Variants in FAM161A observed in about 807,000 individuals in gnomAD.
FAM161A encodes the protein protein FAM161A.
A neutral mutation model predicts 70.9 loss-of-function variants in FAM161A; 57 were observed. The observed-to-expected ratio is 0.80, with a 90% confidence interval of 0.65 to 1.00. The LOEUF (loss-of-function observed/expected upper bound fraction) is 1.00. Ranked by LOEUF, FAM161A falls within the 50% of genes least tolerant of loss-of-function variation. The probability of loss-of-function intolerance (pLI) is 0.00; values close to 1 mark genes in which losing one functional copy is unlikely to be tolerated. For synonymous variants in FAM161A, 299 were observed against 295.7 expected (o/e 1.01, Z -0.12); for missense variants, 880 against 836.0 (o/e 1.05, Z -0.65).
the FAM161A span, among the ~76,000 whole-genome samples, chr2:61,807,882 C>A: frequency 6.6e-6 from 1 of 152,284 alleles, no homozygotes; most frequent in African/African-American, 2.4e-5. Context: ...CTCAAATAAA[C>A]CTCCTGCCTT....
intron 4 of FAM161A, 74 bp downstream of exon 4, chr2:61,838,464 T>A: frequency 2.4e-6 from 3 of 1,259,314 alleles, no homozygotes; most frequent in Non-Finnish European, 3.4e-6. Flanking sequence ...CTGCTCATAT[T>A]TTACTATCTA....
chr2:61,838,849 T>C, intron 3 of FAM161A, 144 bp from the exon 4 acceptor site: 1 of 295,344 alleles, frequency 3.4e-6, no homozygotes, highest in Non-Finnish European at 5.9e-6. Flanking sequence ...CCTGTAAAAC[T>C]AGAAATATTT....
At chr2:61,831,573 C>T (rs1229813635) in intron 5 of FAM161A, among the ~76,000 whole-genome samples, 2 of 152,074 alleles carry the variant, frequency 1.3e-5, no homozygotes, top group Admixed American at 1.3e-4. Flanking sequence ...GAGAAGGGGG[C>T]AGGAAAACAA....
chr2:61,842,907 C>T (rs1673072288), intron 1 of FAM161A, among the ~76,000 whole-genome samples: 1 of 152,110 alleles, frequency 6.6e-6, no homozygotes, highest in Admixed American at 6.5e-5. Context: ...GCCCTCCTCA[C>T]AGTGGGGCAA....
chr2:61,815,041 G>C, the FAM161A span, among the ~76,000 whole-genome samples: 597 of 152,274 alleles, frequency 3.9e-3, 5 homozygotes, highest in Non-Finnish European at 6.0e-3. Context: ...CTATCTGTGG[G>C]TGTGCAGCTA....
chr2:61,817,096 C>T, the FAM161A span, among the ~76,000 whole-genome samples: 1 of 152,330 alleles, frequency 6.6e-6, no homozygotes, highest in Non-Finnish European at 1.5e-5. Flanking sequence ...TTGTCACTGG[C>T]TGCTCACATG....
intron 5 of FAM161A, among the ~76,000 whole-genome samples, chr2:61,829,001 G>C (rs771392104): frequency 6.6e-6 from 1 of 152,112 alleles, no homozygotes; most frequent in Non-Finnish European, 1.5e-5. Flanking sequence ...AGACCTCCAA[G>C]TAAAGCAAGC....
chr2:61,838,899 T>TTTTC lies in FAM161A; in HGVS notation c.1584-195_1584-194insGAAA, dbSNP rs1284744455. On this transcript the variant is annotated intron_variant, in intron 3 of 6. Coordinates refer to ENST00000404929, the MANE Select transcript of FAM161A (RefSeq NM_001201543.2). ...TTATTTATTTATTTATTTATTTTTT[T>TTTTC]TGAGATGGAGTCTCGCTCTGTCGCC... Among the ~76,000 whole-genome samples, 32 of 151,142 alleles carry TTTTC rather than the reference T, an allele frequency of 2.1e-4. 1 individual carries two copies. Among genetic ancestry groups the TTTTC allele is most frequent in the Admixed American group, 4.0e-4 (6 of 15,172 alleles).
At chr2:61,800,437 G>C in the FAM161A span, among the ~76,000 whole-genome samples, 2 of 152,178 alleles carry the variant, frequency 1.3e-5, no homozygotes, top group Admixed American at 6.5e-5. Flanking sequence ...TAGGGACCCA[G>C]GTTCCTCCTA....
the FAM161A span, among the ~76,000 whole-genome samples, chr2:61,817,181 T>C: frequency 7.9e-5 from 12 of 152,214 alleles, no homozygotes; most frequent in African/African-American, 2.7e-4. Flanking sequence ...CGCATGGAAT[T>C]TGGCCATGCC....
chr2:61,804,814 GAA>G, the FAM161A span, among the ~76,000 whole-genome samples: 1 of 142,860 alleles, frequency 7.0e-6, no homozygotes, highest in Non-Finnish European at 1.5e-5. Context: ...AAGAAAGAAA[GAA>G]AGAGAAAGAG....
At chr2:61,801,453 T>C in the FAM161A span, among the ~76,000 whole-genome samples, 1 of 150,094 alleles carries the variant, frequency 6.7e-6, no homozygotes, top group African/African-American at 2.5e-5. Context: ...GCCAAAATCA[T>C]GCCACTGTAG....
chr2:61,808,378 T>A, the FAM161A span, among the ~76,000 whole-genome samples: 2 of 151,872 alleles, frequency 1.3e-5, no homozygotes, highest in African/African-American at 2.4e-5. Flanking sequence ...GTTCAAGCAA[T>A]TCCGCTGCAT....
chr2:61,807,177 G>A, the FAM161A span, among the ~76,000 whole-genome samples: 1 of 151,968 alleles, frequency 6.6e-6, no homozygotes, highest in South Asian at 2.1e-4. Context: ...TGAAGCATCA[G>A]ATGTCCTGAA....
At chr2:61,832,036 G>A (rs1672593176) in intron 5 of FAM161A, among the ~76,000 whole-genome samples, 1 of 152,028 alleles carries the variant, frequency 6.6e-6, no homozygotes, top group South Asian at 2.1e-4. Context: ...TTGAGCCCAG[G>A]AGCTTAAGAC....
At chr2:61,841,381 T>C (rs1359672762) in intron 2 of FAM161A, among the ~76,000 whole-genome samples, 1 of 152,172 alleles carries the variant, frequency 6.6e-6, no homozygotes, top group Admixed American at 6.6e-5. Context: ...CATCTTGCCT[T>C]TGCATACATG....
chr2:61,842,033 G>A, intron 2 of FAM161A, 89 bp downstream of exon 2: 1 of 887,098 alleles, frequency 1.1e-6, no homozygotes, highest in South Asian at 1.3e-5. Context: ...GGCTATTTAA[G>A]AGAAAATATT....
At chr2:61,822,778 C>A (rs1183836301), downstream of FAM161A, among the ~76,000 whole-genome samples, 1 of 151,734 alleles carries the variant, frequency 6.6e-6, no homozygotes, top group African/African-American at 2.4e-5. Context: ...TAAGTAGAGA[C>A]GGGGTTTCAC....
At chr2:61,830,453 G>C (rs1002816793) in intron 5 of FAM161A, among the ~76,000 whole-genome samples, 1 of 152,012 alleles carries the variant, frequency 6.6e-6, no homozygotes, top group Non-Finnish European at 1.5e-5. Context: ...GGCCGAGGCA[G>C]GTGGATCACT....
Sources: gnomAD v4.1 joint callset for allele counts (sites outside exome capture counted in the v4.1 genomes callset) on GRCh38, gnomAD v4.1.1 for gene constraint, MANE v1.5 for transcripts, NCBI Gene and HGNC (gene_info 2026-07-23, HGNC 2026-07-21) for gene names.